Variants in SV2B observed in about 807,000 individuals in gnomAD.
SV2B encodes the protein synaptic vesicle glycoprotein 2B.
In SV2B, 41 loss-of-function variants were observed where a neutral mutation model predicts 73.9. The ratio of observed to expected loss-of-function variants is 0.56; its 90% confidence interval spans 0.43 to 0.72. The LOEUF is 0.72. Ranked by LOEUF, SV2B falls within the 30% of genes least tolerant of loss-of-function variation. The pLI is 0.00. For missense variants in SV2B, 764 were observed against 857.8 expected, an observed-to-expected ratio of 0.89 and a Z score of 1.37; for synonymous variants, 314 against 314.2, an observed-to-expected ratio of 1.00 and a Z score of 0.01.
rs1480101126 is a variant in SV2B, at chr15:91,241,400, C to A, written c.452-10419C>A. On this transcript the variant is annotated intron_variant, in intron 2 of 12. Transcript: ENST00000394232. The surrounding 1 kb of genome is among the most constrained non-coding windows in gnomAD (Gnocchi z 4.8). ...CAGGAACACAGAACATACAATGTTG[C>A]CCACTGGCCTCACTAAATTGATGAT... Among the ~76,000 whole-genome samples, 2 of 152,158 alleles carry A rather than the reference C, an allele frequency of 1.3e-5. No individual in the cohort carries two copies. The highest frequency in any genetic ancestry group is 2.9e-5 in the Non-Finnish European group (2 of 68,028).
chr15:91,251,961 T>C lies in SV2B; in HGVS notation c.594T>C (p.Tyr198=). ...FASLSSFVQG[Y]GAFLFCRLIS... Reference sequence around the variant, plus strand: ...CCCTCTCTTCCTTCGTGCAGGGATATGGAGCCTTCCTCTTCTGCCGACTCA... The same window carrying C: ...CCCTCTCTTCCTTCGTGCAGGGATACGGAGCCTTCCTCTTCTGCCGACTCA... Residue 198 remains tyrosine, a synonymous_variant, in exon 3 of 13, where the codon TAT becomes TAC. Transcript: ENST00000394232. 1 of 1,614,118 alleles carries C rather than the reference T, an allele frequency of 6.2e-7. No individual in the cohort carries two copies. Among genetic ancestry groups the C allele is most frequent in the Non-Finnish European group, 8.5e-7 (1 of 1,180,008 alleles).
At chr15:91,198,204 C>A (rs572910863) in intron 1 of SV2B, among the ~76,000 whole-genome samples, 4 of 151,834 alleles carry the variant, frequency 2.6e-5, no homozygotes, top group Non-Finnish European at 4.4e-5. Flanking sequence ...AGCAAAAGGC[C>A]GAGGAAGCCA....
intron 1 of SV2B, among the ~76,000 whole-genome samples, chr15:91,146,378 C>T (rs1165111342): frequency 6.6e-6 from 1 of 152,106 alleles, no homozygotes; most frequent in Non-Finnish European, 1.5e-5. Flanking sequence ...AGTTAGGTAG[C>T]ATGATGCCTG....
intron 1 of SV2B, among the ~76,000 whole-genome samples, chr15:91,202,492 A>G (rs1161801061): frequency 6.6e-6 from 1 of 152,194 alleles, no homozygotes; most frequent in African/African-American, 2.4e-5. Flanking sequence ...TCTTGGGAAA[A>G]ATGATTGATC....
chr15:91,209,107 G>GT lies in SV2B; in HGVS notation c.-391-16760dup, dbSNP rs1362781398. Among the ~76,000 whole-genome samples the GT allele has an allele frequency of 3.9e-4, 47 of 121,934 alleles. 1 individual carries two copies. Among genetic ancestry groups the GT allele is most frequent in the African/African-American group, 9.9e-4 (27 of 27,322 alleles). 80.0% of individuals were successfully genotyped at this position (121,934 alleles called of 152,430 possible). A position where few individuals can be genotyped will look rare whatever the true frequency, so the allele number is the denominator to read the frequency against. On this transcript the variant is annotated intron_variant, in intron 1 of 12. Coordinates refer to ENST00000394232, the MANE Select transcript of SV2B (RefSeq NM_001323032.3). ...TACAATGAGTGACTGTGGCAGTACTGTTTTTTGTTTTTTTTTTTTTTTTTT... is the reference window on the plus strand; with the variant it reads ...TACAATGAGTGACTGTGGCAGTACTGTTTTTTTGTTTTTTTTTTTTTTTTTT...
chr15:91,164,212 C>G (rs1438483545), intron 1 of SV2B, among the ~76,000 whole-genome samples: 1 of 152,178 alleles, frequency 6.6e-6, no homozygotes, highest in East Asian at 1.9e-4. Flanking sequence ...CCCCATCAAG[C>G]TACCAATGAC....
intron 1 of SV2B, among the ~76,000 whole-genome samples, chr15:91,210,066 G>A (rs913272568): frequency 2.4e-4 from 37 of 152,222 alleles, no homozygotes; most frequent in African/African-American, 8.9e-4. Flanking sequence ...GTCCAGGCAG[G>A]AGAGAACCAC....
At chr15:91,196,200 C>T (rs2045240055) in intron 1 of SV2B, among the ~76,000 whole-genome samples, 1 of 152,188 alleles carries the variant, frequency 6.6e-6, no homozygotes, top group African/African-American at 2.4e-5. Context: ...GTTTGCGGAA[C>T]ATTTATTCAC....
At chr15:91,271,184 T>TGA (rs2048307974) in intron 9 of SV2B, among the ~76,000 whole-genome samples, 1 of 152,154 alleles carries the variant, frequency 6.6e-6, no homozygotes, top group African/African-American at 2.4e-5. Context: ...ATTTTGTGGA[T>TGA]TCAGGACCCC....
chr15:91,153,839 C>T (rs1489302521), intron 1 of SV2B, among the ~76,000 whole-genome samples: 1 of 152,090 alleles, frequency 6.6e-6, no homozygotes, highest in African/African-American at 2.4e-5. Context: ...GGGACAGTAA[C>T]ACAACATCTG....
chr15:91,274,476 A>G (rs2048418961), intron 9 of SV2B, among the ~76,000 whole-genome samples: 1 of 152,202 alleles, frequency 6.6e-6, no homozygotes, highest in Non-Finnish European at 1.5e-5. Context: ...TAGATGACCA[A>G]TTCATTTTGT....
chr15:91,226,059 G>A lies in SV2B; in HGVS notation c.-205G>A. The A allele has an allele frequency of 1.7e-6, 1 of 587,028 alleles. No individual in the cohort carries two copies. Among genetic ancestry groups the A allele is most frequent in the Non-Finnish European group, 3.0e-6 (1 of 337,908 alleles). 36.4% of individuals were successfully genotyped at this position (587,028 alleles called of 1,614,324 possible). A position where few individuals can be genotyped will look rare whatever the true frequency, so the allele number is the denominator to read the frequency against. ...TTCCAACAGACATCGAGTGCAAAAG[G>A]ATATTTAGGTTGTCTTTGCACAAAT... On this transcript the variant is annotated 5_prime_UTR_variant, in exon 2 of 13. Transcript: ENST00000394232.
intron 1 of SV2B, among the ~76,000 whole-genome samples, chr15:91,104,925 C>G (rs530321805): frequency 1.3e-5 from 2 of 152,314 alleles, no homozygotes; most frequent in African/African-American, 4.8e-5. Context: ...AGCCACCGCG[C>G]CTGACTGGGA....
rs569225105 is a variant in SV2B at position 91,118,738 on chromosome 15, G to A, written c.-392+18375G>A. 7.2e-5 allele frequency among the ~76,000 whole-genome samples: 11 copies of A among 152,164 alleles called. No homozygotes were observed. The highest frequency in any genetic ancestry group is 1.9e-4 in the East Asian group (1 of 5,186). On this transcript the variant is annotated intron_variant, in intron 1 of 12. Transcript: ENST00000394232. The surrounding 1 kb of genome is among the most constrained non-coding windows in gnomAD (Gnocchi z 4.7). ...ATCAGACAGCCCAGTCCAAACCAGA[G>A]CCATGCCAGGGAGGGACATCTCTCT...
In SV2B at chr15:91,121,974, C is replaced by A; in HGVS notation, c.-392+21611C>A. ...TATTTTTAGTAGAGACGGGGTTTCA[C>A]CATGTTAGCCAGGATGGTCTCGATC... is the stretch of plus-strand genomic sequence containing the variant. On this transcript the variant is annotated intron_variant, in intron 1 of 12. Coordinates refer to ENST00000394232, the MANE Select transcript of SV2B (RefSeq NM_001323032.3). The surrounding 1 kb of genome is among the most constrained non-coding windows in gnomAD (Gnocchi z 4.4). Among the ~76,000 whole-genome samples, 1 of 152,200 alleles carries A rather than the reference C, an allele frequency of 6.6e-6. No individual in the cohort carries two copies. Among genetic ancestry groups the A allele is most frequent in the East Asian group, 1.9e-4 (1 of 5,176 alleles).
In SV2B at chr15:91,232,802, G is replaced by A. The variant is rs2046629925; in HGVS notation, c.451+6088G>A. The stretch of plus-strand genomic sequence containing the variant: ...ATATATTGTATGATGCTGAGGTTTG[G>A]GATACAAATGATCCCATCACCCAGA... On this transcript the variant is annotated intron_variant, in intron 2 of 12. Transcript: ENST00000394232. This position sits in a 1 kb window ranked among gnomAD's most constrained non-coding sequence, Gnocchi z 4.7. 6.6e-6 allele frequency among the ~76,000 whole-genome samples: 1 copy of A among 152,064 alleles called. No individual in the cohort carries two copies. Among genetic ancestry groups the A allele is most frequent in the Non-Finnish European group, 1.5e-5 (1 of 68,010 alleles).
At chr15:91,233,958 G>A (rs1261790867) in intron 2 of SV2B, among the ~76,000 whole-genome samples, 2 of 152,212 alleles carry the variant, frequency 1.3e-5, no homozygotes, top group African/African-American at 4.8e-5. Context: ...AAGGGTGTGG[G>A]ATACTGGTGG....
chr15:91,283,163 A>G lies in SV2B; in HGVS notation c.1508-858A>G, dbSNP rs1221653036. 6.6e-6 allele frequency among the ~76,000 whole-genome samples: 1 copy of G among 152,244 alleles called. No individual in the cohort carries two copies. Among genetic ancestry groups the G allele is most frequent in the Non-Finnish European group, 1.5e-5 (1 of 68,038 alleles). On this transcript the variant is annotated intron_variant, in intron 10 of 12. Coordinates refer to ENST00000394232, the MANE Select transcript of SV2B (RefSeq NM_001323032.3). The surrounding 1 kb of genome is among the most constrained non-coding windows in gnomAD (Gnocchi z 4.3). ...ACGCAGGTTTCTAGGGAGCCTGTTT[A>G]GTACTTTTTCTGTCAGAACAGCTGA...
At chr15:91,156,661 C>T in intron 1 of SV2B, among the ~76,000 whole-genome samples, 1 of 152,210 alleles carries the variant, frequency 6.6e-6, no homozygotes, top group East Asian at 1.9e-4. Context: ...CAGGGTCAAG[C>T]ATTCATCCCT....
Sources: gnomAD v4.1 joint callset for allele counts (sites outside exome capture counted in the v4.1 genomes callset) on GRCh38, gnomAD v4.1.1 for gene constraint, Gnocchi (gnomAD v3.1) non-coding constraint, MANE v1.5 for transcripts, NCBI Gene and HGNC (gene_info 2026-07-23, HGNC 2026-07-21) for gene names.